Variants in SYN3 observed in about 807,000 individuals in gnomAD.
SYN3 encodes the protein synapsin-3.
A neutral mutation model predicts 65.8 loss-of-function variants in SYN3; 35 were observed. That is an observed-to-expected ratio of 0.53 (90% CI 0.41 to 0.70). SYN3 has a LOEUF of 0.70. Among genes scored for constraint, SYN3 ranks in the 30% least tolerant of loss-of-function variants. The pLI is 0.00. For missense variants in SYN3, 680 were observed against 749.0 expected, an observed-to-expected ratio of 0.91 and a Z score of 1.08; for synonymous variants, 270 against 292.9, an observed-to-expected ratio of 0.92 and a Z score of 0.80.
intron 6 of SYN3, among the ~76,000 whole-genome samples, chr22:32,864,170 G>C (rs1409795097): frequency 6.6e-6 from 1 of 152,188 alleles, no homozygotes; most frequent in African/African-American, 2.4e-5. Context: ...TCATTATTCT[G>C]TTCCCAAAGA....
chr22:32,630,320 AC>A (rs1167400629), intron 6 of SYN3, among the ~76,000 whole-genome samples: 12 of 152,010 alleles, frequency 7.9e-5, no homozygotes, highest in Admixed American at 2.0e-4. Context: ...TTGCCATGTT[AC>A]CCAGGTTGGG....
chr22:33,014,418 G>C (rs1336151470), intron 1 of SYN3: 1 of 152,170 alleles, frequency 6.6e-6, no homozygotes, highest in East Asian at 1.9e-4. Context: ...TGAGCCTGCT[G>C]GATCATATGG....
intron 3 of SYN3, among the ~76,000 whole-genome samples, chr22:32,978,187 G>C (rs1340992852): frequency 1.3e-5 from 2 of 152,154 alleles, no homozygotes; most frequent in African/African-American, 4.8e-5. Context: ...AAGACTGGAC[G>C]AGAGTTGAGG....
At chr22:32,658,874 T>G (rs1412189709) in intron 6 of SYN3, among the ~76,000 whole-genome samples, 1 of 152,222 alleles carries the variant, frequency 6.6e-6, no homozygotes, top group South Asian at 2.1e-4. Context: ...GCATGTTATA[T>G]GTAGCGATAA....
intron 6 of SYN3, among the ~76,000 whole-genome samples, chr22:32,662,986 T>C (rs1385143771): frequency 6.6e-6 from 1 of 152,232 alleles, no homozygotes; most frequent in African/African-American, 2.4e-5. Context: ...CAATAATTTA[T>C]ACTGAATATG....
intron 1 of SYN3, among the ~76,000 whole-genome samples, chr22:33,051,699 C>T (rs902132650): frequency 6.6e-6 from 1 of 152,012 alleles, no homozygotes; most frequent in Non-Finnish European, 1.5e-5. Context: ...GGGTCAGGGA[C>T]CCAAAGGTCC....
chr22:32,692,995 T>A (rs2060686758), intron 6 of SYN3, among the ~76,000 whole-genome samples: 1 of 152,244 alleles, frequency 6.6e-6, no homozygotes, highest in African/African-American at 2.4e-5. Context: ...GACGGCTGGA[T>A]GTGCAGTAGC....
chr22:32,663,181 T>C (rs961657029), intron 6 of SYN3, among the ~76,000 whole-genome samples: 7 of 152,192 alleles, frequency 4.6e-5, no homozygotes, highest in African/African-American at 1.7e-4. Context: ...CCCTTTCGCT[T>C]GGCTCTCATT....
chr22:33,000,255 C>T (rs1335285857), intron 2 of SYN3, among the ~76,000 whole-genome samples: 2 of 152,166 alleles, frequency 1.3e-5, no homozygotes, highest in Non-Finnish European at 2.9e-5. Flanking sequence ...GAGAGCATCA[C>T]CTTTAGTTCA....
At chr22:33,054,044 G>A (rs750392025) in intron 1 of SYN3, among the ~76,000 whole-genome samples, 1 of 152,146 alleles carries the variant, frequency 6.6e-6, no homozygotes, top group African/African-American at 2.4e-5. Context: ...CACGGGAGAG[G>A]GGGTTGGTGT....
In SYN3 at chr22:32,711,701, A is replaced by G. The variant is rs533187610; in HGVS notation, c.712-114965T>C. ...CAATTCCTTGCAAGCCAAGAGGTCT[A>G]TTCAACACTCCTGGGTATCATCCAT... On this transcript the variant is annotated intron_variant, in intron 6 of 13. Transcript: ENST00000358763. Among the ~76,000 whole-genome samples, 32 of 152,348 alleles carry G rather than the reference A, an allele frequency of 2.1e-4. No homozygotes were observed. In the South Asian group the frequency reaches 3.1e-3, roughly 15 times the overall value.
chr22:32,578,455 G>C (rs2058887660), intron 7 of SYN3, among the ~76,000 whole-genome samples: 1 of 151,964 alleles, frequency 6.6e-6, no homozygotes, highest in Admixed American at 6.6e-5. Context: ...TTGCCATGTA[G>C]CCCAGGTTGG....
chr22:32,886,744 G>A (rs1009805764), intron 4 of SYN3, among the ~76,000 whole-genome samples: 4 of 152,210 alleles, frequency 2.6e-5, no homozygotes, highest in Non-Finnish European at 5.9e-5. Flanking sequence ...CTATGGATTA[G>A]TTTTGCCTGT....
At chr22:32,522,676 AATT>A (rs957845416) in intron 12 of SYN3, among the ~76,000 whole-genome samples, 2 of 152,314 alleles carry the variant, frequency 1.3e-5, no homozygotes, top group East Asian at 1.9e-4. Context: ...ATTCGTAGTA[AATT>A]ATTAGTAGTA....
At chr22:32,638,165 G>T (rs1456405888) in intron 6 of SYN3, among the ~76,000 whole-genome samples, 1 of 152,064 alleles carries the variant, frequency 6.6e-6, no homozygotes, top group Non-Finnish European at 1.5e-5. Flanking sequence ...TTTAATGGCT[G>T]CATAGTATTC....
At chr22:32,863,935 C>A (rs2048616885) in intron 6 of SYN3, among the ~76,000 whole-genome samples, 1 of 152,142 alleles carries the variant, frequency 6.6e-6, no homozygotes, top group Non-Finnish European at 1.5e-5. Context: ...TTCACATGTG[C>A]CCTTCTTATC....
At chr22:32,690,637 C>A (rs1387510701) in intron 6 of SYN3, among the ~76,000 whole-genome samples, 1 of 152,126 alleles carries the variant, frequency 6.6e-6, no homozygotes. Flanking sequence ...GTCAGGCAGG[C>A]GATATCAGGA....
chr22:32,605,242 T>C (rs903697610), intron 6 of SYN3, among the ~76,000 whole-genome samples: 2 of 151,912 alleles, frequency 1.3e-5, no homozygotes, highest in African/African-American at 4.8e-5. Flanking sequence ...AGGAGGAATG[T>C]GGTGATTCGA....
intron 7 of SYN3, among the ~76,000 whole-genome samples, chr22:32,592,080 C>T (rs1569071607): frequency 6.6e-6 from 1 of 152,146 alleles, no homozygotes; most frequent in African/African-American, 2.4e-5. Context: ...AATAATGATT[C>T]AGAACTATCA....
Sources: gnomAD v4.1 joint callset for allele counts (sites outside exome capture counted in the v4.1 genomes callset) on GRCh38, gnomAD v4.1.1 for gene constraint, MANE v1.5 for transcripts, NCBI Gene and HGNC (gene_info 2026-07-23, HGNC 2026-07-21) for gene names.